The following TRERF1 variants were observed in gnomAD, a reference collection of about 807,000 sequenced individuals.
TRERF1 encodes transcriptional-regulating factor 1.
TRERF1 carries 27 observed loss-of-function variants against 122.9 expected under a neutral mutation model. The observed-to-expected ratio is 0.22, with a 90% CI of 0.16 to 0.30. TRERF1 has a LOEUF of 0.30. Ranked by LOEUF, TRERF1 falls within the 10% of genes least tolerant of loss-of-function variation. The pLI is 1.00. For missense variants in TRERF1, 1,248 were observed against 1,560.3 expected, an observed-to-expected ratio of 0.80 and a Z score of 3.37; for synonymous variants, 636 against 641.7, an observed-to-expected ratio of 0.99 and a Z score of 0.13.
chr6:42,247,485 AACG>A (rs1775005033), intron 13 of TRERF1, among the ~76,000 whole-genome samples: 1 of 152,192 alleles, frequency 6.6e-6, no homozygotes, highest in Non-Finnish European at 1.5e-5. Context: ...GTTTTCAAAG[AACG>A]ACTAGTAATC....
chr6:42,350,991 TCACACACACAAACACACACA>T (rs1769325138), intron 3 of TRERF1, among the ~76,000 whole-genome samples: 1 of 151,696 alleles, frequency 6.6e-6, no homozygotes, highest in Non-Finnish European at 1.5e-5. Flanking sequence ...TCCCTCTCTC[TCACACACACAAACACACACA>T]CACACACACA....
chr6:42,295,792 A>T (rs1227384098), intron 4 of TRERF1, among the ~76,000 whole-genome samples: 2 of 152,210 alleles, frequency 1.3e-5, no homozygotes, highest in African/African-American at 4.8e-5. Flanking sequence ...AACTTTATGC[A>T]TTCTTTTATA....
intron 3 of TRERF1, among the ~76,000 whole-genome samples, chr6:42,335,189 T>C (rs1388384301): frequency 6.6e-6 from 1 of 152,234 alleles, no homozygotes; most frequent in African/African-American, 2.4e-5. Context: ...CCAGAACTTT[T>C]GGCTCACCTG....
At chr6:42,244,817 TCAACCC>T (rs1774449143) in intron 14 of TRERF1, among the ~76,000 whole-genome samples, 2 of 152,256 alleles carry the variant, frequency 1.3e-5, no homozygotes, top group Admixed American at 1.3e-4. Context: ...CTTGCCCTAT[TCAACCC>T]CAAACAGGCA....
chr6:42,434,945 T>C (rs908723275), intron 2 of TRERF1, among the ~76,000 whole-genome samples: 2 of 151,850 alleles, frequency 1.3e-5, no homozygotes, highest in African/African-American at 4.8e-5. Context: ...CTGGCCAACA[T>C]GGTGAAACCC....
At chr6:42,311,661 G>A (rs537846032) in intron 3 of TRERF1, among the ~76,000 whole-genome samples, 1 of 151,580 alleles carries the variant, frequency 6.6e-6, no homozygotes, top group East Asian at 1.9e-4. Flanking sequence ...AGCTACTCGG[G>A]AGGCTGAGAC....
intron 2 of TRERF1, among the ~76,000 whole-genome samples, chr6:42,437,985 G>A (rs1421309549): frequency 6.6e-6 from 1 of 151,886 alleles, no homozygotes; most frequent in African/African-American, 2.4e-5. Flanking sequence ...GCAATGGCGT[G>A]ATCTCAGCTC....
chr6:42,343,248 G>A (rs1338421061), intron 3 of TRERF1, among the ~76,000 whole-genome samples: 1 of 152,122 alleles, frequency 6.6e-6, no homozygotes, highest in African/African-American at 2.4e-5. Flanking sequence ...CAAACAACTC[G>A]CTCTAAAGGT....
intron 2 of TRERF1, among the ~76,000 whole-genome samples, chr6:42,379,097 G>A (rs774707802): frequency 2.0e-5 from 3 of 152,114 alleles, no homozygotes; most frequent in Non-Finnish European, 2.9e-5. Flanking sequence ...TCCAGCCTGG[G>A]TGACAGAGTG....
At chr6:42,243,198 T>TG (rs3830886) in intron 15 of TRERF1, 50 bp downstream of exon 15, 238,845 of 1,501,886 alleles carry the variant, frequency 0.16, 20,470 homozygotes, top group African/African-American at 0.25. Flanking sequence ...AACCTGGGCC[T>TG]GGGGTGGGAG....
chr6:42,232,554 CGAA>C lies in TRERF1; in HGVS notation c.3278+124_3278+126del, dbSNP rs1770772429. 4 of 1,247,664 alleles carry C rather than the reference CGAA, an allele frequency of 3.2e-6. No homozygotes were observed. The highest frequency in any genetic ancestry group is 6.0e-5 in the Admixed American group (2 of 33,468). 77.3% of individuals were successfully genotyped at this position (1,247,664 alleles called of 1,614,324 possible). On this transcript the variant is annotated intron_variant, in intron 17 of 17. Coordinates refer to ENST00000372922, the Ensembl canonical transcript of TRERF1. This position sits in a 1 kb window ranked among gnomAD's most constrained non-coding sequence, Gnocchi z 4.5. Reference sequence around the variant, plus strand: ...CTACATACCCATCCCAAAGATGACACGAAGAAGAGTTTTGAGGTCTAAGTTCTT... The same window carrying C: ...CTACATACCCATCCCAAAGATGACACGAAGAGTTTTGAGGTCTAAGTTCTT...
chr6:42,416,641 C>T (rs1477445596), intron 2 of TRERF1, among the ~76,000 whole-genome samples: 2 of 152,180 alleles, frequency 1.3e-5, no homozygotes, highest in African/African-American at 4.8e-5. Flanking sequence ...CACTTTGTGG[C>T]TCTGTGTGCA....
At chr6:42,414,321 A>G (rs1459613381) in intron 2 of TRERF1, among the ~76,000 whole-genome samples, 1 of 152,224 alleles carries the variant, frequency 6.6e-6, no homozygotes, top group African/African-American at 2.4e-5. Flanking sequence ...GCCTCTCTCA[A>G]TACCACTCTG....
rs1409684174 is a variant in TRERF1 at position 42,228,775 on chromosome 6, T to C, written c.3279-106A>G. The C allele has an allele frequency of 8.6e-7, 1 of 1,166,600 alleles. No homozygotes were observed. Among genetic ancestry groups the C allele is most frequent in the Non-Finnish European group, 1.2e-6 (1 of 829,672 alleles). 72.3% of individuals were successfully genotyped at this position (1,166,600 alleles called of 1,614,324 possible). On this transcript the variant is annotated intron_variant, in intron 17 of 17. Coordinates refer to ENST00000372922, the Ensembl canonical transcript of TRERF1. The surrounding 1 kb of genome is among the most constrained non-coding windows in gnomAD (Gnocchi z 4.2). ...GGGGTGTGTGGTCTGACAAAGTCCCTGGCTGCTCGGCTTCTAGGACCTCCT... is the reference window on the plus strand; with the variant it reads ...GGGGTGTGTGGTCTGACAAAGTCCCCGGCTGCTCGGCTTCTAGGACCTCCT...
chr6:42,268,149 A>G lies in TRERF1; in HGVS notation c.1437+5T>C. On this transcript the variant is annotated splice_donor_5th_base_variant and intron_variant, in intron 5 of 17. Coordinates refer to ENST00000372922, the Ensembl canonical transcript of TRERF1. The surrounding 1 kb of genome is among the most constrained non-coding windows in gnomAD (Gnocchi z 4.4). ...TATTGAGAGAAACTTCCAATGGGAG[A>G]ATACCTGGGGCCACATGGCACTGGG... The G allele has an allele frequency of 6.9e-7, 1 of 1,443,096 alleles. No homozygotes were observed. The highest frequency in any genetic ancestry group is 1.4e-5 in the African/African-American group (1 of 70,570). 89.4% of individuals were successfully genotyped at this position (1,443,096 alleles called of 1,614,324 possible). A position where few individuals can be genotyped will look rare whatever the true frequency, so the allele number is the denominator to read the frequency against.
intron 2 of TRERF1, among the ~76,000 whole-genome samples, chr6:42,419,355 C>T (rs865804967): frequency 5.3e-5 from 8 of 150,584 alleles, no homozygotes; most frequent in South Asian, 2.1e-4. Flanking sequence ...TCACAAACCA[C>T]AGTGCTCCCC....
chr6:42,268,553 C>T lies in TRERF1; in HGVS notation c.1038G>A (p.Leu346=), dbSNP rs746953497. Reference sequence around the variant, plus strand: ...GGTCCCTGTGATAAGAAGGAGGCTGCAGGTGCATCTGTTGCTGCTGCTGCT... The same window carrying T: ...GGTCCCTGTGATAAGAAGGAGGCTGTAGGTGCATCTGTTGCTGCTGCTGCT... The change falls in exon 5 of 18, where the codon CTG becomes CTA. Residue 346 remains leucine (L), a synonymous_variant. Transcript: ENST00000372922. This position sits in a 1 kb window ranked among gnomAD's most constrained non-coding sequence, Gnocchi z 4.4. 9 of 1,614,004 alleles carry T rather than the reference C, an allele frequency of 5.6e-6. No homozygotes were observed. Among genetic ancestry groups the T allele is most frequent in the Non-Finnish European group, 7.6e-6 (9 of 1,180,034 alleles).
chr6:42,266,809 G>A lies in TRERF1; in HGVS notation c.1438-1012C>T, dbSNP rs116265991. ...TTAATCATGGTGCACAAGATGAACC[G>A]GCCTGCAGACATGTTTGTTTGGCTA... On this transcript the variant is annotated intron_variant, in intron 5 of 17. Coordinates refer to ENST00000372922, the Ensembl canonical transcript of TRERF1. 5.1e-3 allele frequency among the ~76,000 whole-genome samples: 776 copies of A among 152,266 alleles called. 1 individual carries two copies. Among genetic ancestry groups the A allele is most frequent in the African/African-American group, 0.018 (736 of 41,532 alleles).
chr6:42,351,831 A>C (rs998015455), intron 3 of TRERF1, among the ~76,000 whole-genome samples: 2 of 152,134 alleles, frequency 1.3e-5, no homozygotes, highest in African/African-American at 4.8e-5. Flanking sequence ...AAACAGACAC[A>C]GGGGACTCCA....
Sources: gnomAD v4.1 joint callset for allele counts (sites outside exome capture counted in the v4.1 genomes callset) on GRCh38, gnomAD v4.1.1 for gene constraint, Gnocchi (gnomAD v3.1) non-coding constraint, MANE v1.5 for transcripts, NCBI Gene and HGNC (gene_info 2026-07-23, HGNC 2026-07-21) for gene names.